Variants in NOSIP observed in about 807,000 individuals in gnomAD.
The protein encoded by NOSIP is nitric oxide synthase interacting protein, also known as nitric oxide synthase-interacting protein.
In NOSIP, 25 loss-of-function variants were observed where a neutral mutation model predicts 36.4. The observed-to-expected ratio is 0.69, with a 90% CI of 0.50 to 0.96. The LOEUF (loss-of-function observed/expected upper bound fraction) is 0.96, where lower values mean the gene tolerates loss of function less well. Ranked by LOEUF, NOSIP falls within the 40% of genes least tolerant of loss-of-function variation. NOSIP has a pLI of 0.00. For synonymous variants in NOSIP, 187 were observed against 179.2 expected (o/e 1.04, Z -0.35); for missense variants, 370 against 429.0 (o/e 0.86, Z 1.21).
chr19:49,563,719 T>C (rs796070643), intron 1 of NOSIP, among the ~76,000 whole-genome samples: 34 of 152,110 alleles, frequency 2.2e-4, no homozygotes, highest in African/African-American at 8.0e-4. Flanking sequence ...GGCCTTGAAC[T>C]CCTGACCTCA....
In NOSIP at chr19:49,557,846, C is replaced by T. The variant is rs985297937; in HGVS notation, c.259-597G>A. On this transcript the variant is annotated intron_variant, in intron 4 of 8. Transcript: ENST00000596358. Reference sequence around the variant, plus strand: ...CAGTTCCAGACCACCCTGGGCCACCCAGCTGAGTGAGGAGGTAACAGTGAC... The same window carrying T: ...CAGTTCCAGACCACCCTGGGCCACCTAGCTGAGTGAGGAGGTAACAGTGAC... 11 of 988,076 alleles carry T rather than the reference C, an allele frequency of 1.1e-5. No individual in the cohort carries two copies. The East Asian group carries it at 1.2e-3, about 112-fold the overall frequency. 61.2% of individuals were successfully genotyped at this position (988,076 alleles called of 1,614,324 possible).
intron 8 of NOSIP, 85 bp from the exon 9 acceptor site, chr19:49,555,907 C>T (rs1199772328): frequency 9.9e-7 from 1 of 1,006,698 alleles, no homozygotes; most frequent in Non-Finnish European, 1.6e-6. Context: ...GATTCCTAAG[C>T]GGGTCAAGGT....
Position 49,555,642 on chromosome 19 carries a change from T to G in NOSIP, c.*109A>C. ...CAGCGTGCGCTGTAGGAGCACTGTT[T>G]GCACGGCCCTGCATCCTCGCCTGCC... On this transcript the variant is annotated 3_prime_UTR_variant, in exon 9 of 9. Coordinates refer to ENST00000596358, the MANE Select transcript of NOSIP (RefSeq NM_001270960.2). 1.2e-6 allele frequency: 1 copy of G among 848,288 alleles called. No individual in the cohort carries two copies. The highest frequency in any genetic ancestry group is 1.5e-5 in the South Asian group (1 of 66,262). 52.5% of individuals were successfully genotyped at this position (848,288 alleles called of 1,614,324 possible).
intron 1 of NOSIP, among the ~76,000 whole-genome samples, chr19:49,563,596 C>A (rs957238290): frequency 1.3e-5 from 2 of 151,186 alleles, no homozygotes; most frequent in African/African-American, 4.9e-5. Flanking sequence ...TGGGTTCAAG[C>A]AATTCTCCTG....
intron 1 of NOSIP, among the ~76,000 whole-genome samples, chr19:49,574,044 T>C (rs1193034358): frequency 1.3e-5 from 2 of 152,004 alleles, no homozygotes; most frequent in South Asian, 2.1e-4. Flanking sequence ...GTATTTTTAG[T>C]AGAGACGGGG....
At chr19:49,568,832 C>G (rs868571917) in intron 1 of NOSIP, among the ~76,000 whole-genome samples, 1 of 140,326 alleles carries the variant, frequency 7.1e-6, no homozygotes, top group Non-Finnish European at 1.5e-5. Flanking sequence ...GAGACAGAGT[C>G]TTGCTCTGTC....
intron 1 of NOSIP, among the ~76,000 whole-genome samples, chr19:49,568,993 G>T (rs1471820030): frequency 6.6e-6 from 1 of 150,946 alleles, no homozygotes; most frequent in African/African-American, 2.4e-5. Flanking sequence ...AGCAGAGATG[G>T]GCTTTCACCA....
rs1402152671 is a variant in NOSIP, at chr19:49,559,040, G to A, written c.177-62C>T. The A allele has an allele frequency of 2.6e-5, 35 of 1,360,834 alleles. No homozygotes were observed. The Admixed American group carries it at 5.7e-4, about 22-fold the overall frequency. 84.3% of individuals were successfully genotyped at this position (1,360,834 alleles called of 1,614,324 possible). A position where few individuals can be genotyped will look rare whatever the true frequency, so the allele number is the denominator to read the frequency against. Reference sequence around the variant, plus strand: ...GATCCTCCCGCCTCGGCCTCCCGAAGTGCTGGGATTATAGGCAGAAGTCAT... The same window carrying A: ...GATCCTCCCGCCTCGGCCTCCCGAAATGCTGGGATTATAGGCAGAAGTCAT... On this transcript the variant is annotated intron_variant, in intron 3 of 8. Coordinates refer to ENST00000596358, the MANE Select transcript of NOSIP (RefSeq NM_001270960.2).
intron 1 of NOSIP, among the ~76,000 whole-genome samples, chr19:49,565,350 C>A (rs1281888264): frequency 6.6e-6 from 1 of 151,310 alleles, no homozygotes; most frequent in Non-Finnish European, 1.5e-5. Context: ...ATCTGGGAGG[C>A]TGGGAATGTT....
intron 3 of NOSIP, 151 bp downstream of exon 3, chr19:49,559,783 T>C (rs10409856): frequency 0.2 from 132,702 of 669,740 alleles, 18,798 homozygotes; most frequent in African/African-American, 0.59. Context: ...ATCATGCCCA[T>C]GTCCCATGTG....
At chr19:49,572,879 C>T (rs2080503934) in intron 1 of NOSIP, among the ~76,000 whole-genome samples, 2 of 145,974 alleles carry the variant, frequency 1.4e-5, no homozygotes, top group African/African-American at 5.1e-5. Context: ...GAGGCTGAGG[C>T]AGGAGAATCG....
chr19:49,562,124 G>T (rs949487181), intron 1 of NOSIP, among the ~76,000 whole-genome samples: 3 of 152,024 alleles, frequency 2.0e-5, no homozygotes, highest in Admixed American at 6.6e-5. Flanking sequence ...ATGCCTGTTT[G>T]TTTGTTTGTT....
At chr19:49,566,794 C>CATACATATATAT (rs1555735155) in intron 1 of NOSIP, 1 of 142,930 alleles carries the variant, frequency 7.0e-6, no homozygotes, top group Non-Finnish European at 1.5e-5. Flanking sequence ...CATATACATA[C>CATACATATATAT]ATATATATAT....
Position 49,576,083 on chromosome 19 carries a change from G to A in NOSIP, c.-2+4432C>T, listed in dbSNP as rs1028779773. ...CCGGGAGGTGGAGCTTGCAGTGAGC[G>A]GAGATCACGCCACTGCACTCCAGCC... On this transcript the variant is annotated intron_variant, in intron 1 of 8. Transcript: ENST00000596358. Among the ~76,000 whole-genome samples, 4 of 151,800 alleles carry A rather than the reference G, an allele frequency of 2.6e-5. No homozygotes were observed. The East Asian group carries it at 7.7e-4, about 29-fold the overall frequency.
At chr19:49,580,091 C>T (rs140289673) in intron 1 of NOSIP, among the ~76,000 whole-genome samples, 1 of 150,654 alleles carries the variant, frequency 6.6e-6, no homozygotes, top group African/African-American at 2.4e-5. Context: ...AATCTAGTAT[C>T]GCCCGCCGTC....
chr19:49,574,829 G>A (rs888523862), intron 1 of NOSIP, among the ~76,000 whole-genome samples: 1 of 151,726 alleles, frequency 6.6e-6, no homozygotes, highest in Non-Finnish European at 1.5e-5. Flanking sequence ...CTAAGTAGCT[G>A]GGATTACAGG....
intron 1 of NOSIP, among the ~76,000 whole-genome samples, chr19:49,574,174 T>G (rs573050232): frequency 1.1e-3 from 168 of 152,184 alleles, no homozygotes; most frequent in African/African-American, 3.8e-3. Context: ...GCTCATTTAA[T>G]AGGTAGGAAA....
intron 1 of NOSIP, among the ~76,000 whole-genome samples, chr19:49,562,236 C>T (rs2080345542): frequency 6.6e-6 from 1 of 152,164 alleles, no homozygotes; most frequent in Non-Finnish European, 1.5e-5. Flanking sequence ...ATTCTCCTGC[C>T]TCAGCTTCCC....
intron 1 of NOSIP, among the ~76,000 whole-genome samples, chr19:49,568,798 G>GTTTTTTTTTTTTT: frequency 9.4e-6 from 1 of 106,908 alleles, no homozygotes; most frequent in Non-Finnish European, 1.6e-5. Flanking sequence ...AAAAAAAATA[G>GTTTTTTTTTTTTT]TTTGTTTGTT....
Sources: allele counts gnomAD v4.1 joint callset (sites outside exome capture counted in the v4.1 genomes callset), GRCh38; gene constraint gnomAD v4.1.1; transcripts MANE v1.5; gene names NCBI Gene and HGNC (gene_info 2026-07-23, HGNC 2026-07-21).